TNKS: variants seen among roughly 807,000 people sequenced by gnomAD.
TNKS encodes the protein tankyrase.
A neutral mutation model predicts 135.8 loss-of-function variants in TNKS; 72 were observed. The ratio of observed to expected loss-of-function variants is 0.53; its 90% CI spans 0.44 to 0.64. The LOEUF is 0.64. TNKS is among the 30% of genes least tolerant of loss of function. The pLI is 0.00. For synonymous variants in TNKS, 849 were observed against 649.3 expected (o/e 1.31, Z -4.68); for missense variants, 1,769 against 1,674.0 (o/e 1.06, Z -0.99).
chr8:9,718,558 A>G (rs1804720111), intron 11 of TNKS, among the ~76,000 whole-genome samples: 1 of 152,190 alleles, frequency 6.6e-6, no homozygotes, highest in Admixed American at 6.6e-5. Flanking sequence ...TTTCGGGCCA[A>G]GTGTCATTGT....
chr8:9,770,450 T>TA (rs1306909511), intron 26 of TNKS, among the ~76,000 whole-genome samples, 188 bp downstream of exon 26: 6 of 152,238 alleles, frequency 3.9e-5, no homozygotes, highest in South Asian at 4.1e-4. Context: ...TAAAACCCAT[T>TA]AGTAGCTGTC....
chr8:9,590,827 T>G (rs929551719), intron 2 of TNKS, among the ~76,000 whole-genome samples: 1 of 152,260 alleles, frequency 6.6e-6, no homozygotes, highest in Non-Finnish European at 1.5e-5. Flanking sequence ...TGCAAATACT[T>G]TCTCCCATTC....
At position 9,556,288 on chromosome 8, in the gene TNKS, G is replaced by C. The variant is rs761669065; in HGVS notation, c.349G>C (p.Ala117Pro). 6.2e-6 allele frequency: 10 copies of C among 1,614,126 alleles called. No individual in the cohort carries two copies. The highest frequency in any genetic ancestry group is 4.0e-5 in the African/African-American group (3 of 74,946). Residue 117 changes from alanine to proline, a missense_variant, in exon 1 of 27, where the codon GCT becomes CCT. This residue lies in a region of TNKS where 450 missense variants were observed against 304.9 expected (regional missense o/e 1.48). Coordinates refer to ENST00000310430, the MANE Select transcript of TNKS (RefSeq NM_003747.3). ...TTCTACTTCATCTGCCGCTGGGGTC[G>C]CTCCCAACCCAGCCGGCAGTGGCAG... is the stretch of plus-strand genomic sequence containing the variant. ...AVSTSSAAGV[A>P]PNPAGSGSNN...
chr8:9,726,762 T>G (rs1805183220), intron 13 of TNKS, 42 bp downstream of exon 13: 2 of 1,457,296 alleles, frequency 1.4e-6, no homozygotes, highest in African/African-American at 2.8e-5. Flanking sequence ...ACTGTTGAAC[T>G]TTGCTAACCA....
At chr8:9,576,453 C>T (rs1280779276) in intron 1 of TNKS, among the ~76,000 whole-genome samples, 1 of 151,054 alleles carries the variant, frequency 6.6e-6, no homozygotes, top group Non-Finnish European at 1.5e-5. Flanking sequence ...GCGGGAGGTG[C>T]CACCACCCCC....
chr8:9,695,839 A>T (rs1356914829), intron 5 of TNKS, among the ~76,000 whole-genome samples: 3 of 152,220 alleles, frequency 2.0e-5, no homozygotes, highest in Non-Finnish European at 4.4e-5. Context: ...AAAAGATGGG[A>T]ATGAAGAAAG....
chr8:9,605,634 T>C (rs1799187929), intron 2 of TNKS, among the ~76,000 whole-genome samples: 1 of 152,132 alleles, frequency 6.6e-6, no homozygotes, highest in African/African-American at 2.4e-5. Context: ...AGTTCCAGTT[T>C]AGAATCTCCT....
At chr8:9,649,104 C>T (rs918389418) in intron 3 of TNKS, among the ~76,000 whole-genome samples, 2 of 152,156 alleles carry the variant, frequency 1.3e-5, no homozygotes, top group African/African-American at 4.8e-5. Flanking sequence ...TAATCATATA[C>T]ATATAAACAT....
In TNKS at chr8:9,752,566, C is replaced by T. The variant is rs771995100; in HGVS notation, c.3093C>T (p.Ile1031=). 6.2e-7 allele frequency: 1 copy of T among 1,612,798 alleles called. No homozygotes were observed. Among genetic ancestry groups the T allele is most frequent in the East Asian group, 2.2e-5 (1 of 44,822 alleles). ...EGEVAGLDMN[I]SQFLKSLGLE... ...TAGTTGCTGGTCTTGACATGAATAT[C>T]AGCCAATTTCTAAAAAGCCTTGGCC... Residue 1031 remains isoleucine, a synonymous_variant, in exon 20 of 27, where the codon ATC becomes ATT. Transcript: ENST00000310430.
intron 2 of TNKS, among the ~76,000 whole-genome samples, chr8:9,602,940 T>C (rs1799072094): frequency 6.6e-6 from 1 of 152,252 alleles, no homozygotes; most frequent in African/African-American, 2.4e-5. Context: ...ACTTGATCTA[T>C]ATTTGGGTTT....
intron 1 of TNKS, chr8:9,557,742 TAACA>T (rs907380266): frequency 1.3e-5 from 2 of 152,194 alleles, no homozygotes; most frequent in African/African-American, 4.8e-5. Context: ...TTTGTTCTGT[TAACA>T]GTAAAACATG....
intron 20 of TNKS, among the ~76,000 whole-genome samples, chr8:9,757,739 A>T (rs578131199): frequency 1.3e-5 from 2 of 152,340 alleles, no homozygotes; most frequent in East Asian, 3.9e-4. Context: ...CTCTTTTACT[A>T]TCAGTTATTT....
intron 3 of TNKS, among the ~76,000 whole-genome samples, chr8:9,675,217 C>G (rs1188770613): frequency 6.6e-6 from 1 of 152,178 alleles, no homozygotes; most frequent in Middle Eastern, 3.2e-3. Context: ...CTAGTGAAAA[C>G]ATGATGGAAT....
Position 9,778,344 on chromosome 8 carries a change from G to A in TNKS, c.*1608G>A, listed in dbSNP as rs1808319498. On this transcript the variant is annotated 3_prime_UTR_variant, in exon 27 of 27. Transcript: ENST00000310430. ...CAATTCAAAGCCCTGAAAACGATGG[G>A]TTTAATGCAAGGTGATTAAGCTGTG... is the stretch of plus-strand genomic sequence containing the variant. The A allele has an allele frequency of 6.6e-6, 1 of 152,330 alleles. No individual in the cohort carries two copies. The highest frequency in any genetic ancestry group is 2.1e-4 in the South Asian group (1 of 4,826). 9.4% of individuals were successfully genotyped at this position (152,330 alleles called of 1,614,324 possible). A position where few individuals can be genotyped will look rare whatever the true frequency, so the allele number is the denominator to read the frequency against.
chr8:9,570,586 T>A (rs1797719418), intron 1 of TNKS, among the ~76,000 whole-genome samples: 1 of 152,212 alleles, frequency 6.6e-6, no homozygotes, highest in South Asian at 2.1e-4. Flanking sequence ...CAGCAACCTC[T>A]ACCTGGCAAC....
intron 22 of TNKS, 75 bp from the exon 23 acceptor site, chr8:9,764,641 C>T: frequency 1.8e-6 from 2 of 1,116,090 alleles, no homozygotes; most frequent in Non-Finnish European, 2.5e-6. Context: ...TTTATTAATA[C>T]TGAATTTTAG....
intron 2 of TNKS, among the ~76,000 whole-genome samples, chr8:9,583,182 A>G (rs1279986839): frequency 2.7e-5 from 4 of 149,310 alleles, no homozygotes; most frequent in Non-Finnish European, 6.0e-5. Context: ...AAAAAAAAAA[A>G]AAGTCCATTT....
At chr8:9,587,869 A>T (rs953460216) in intron 2 of TNKS, among the ~76,000 whole-genome samples, 3 of 152,210 alleles carry the variant, frequency 2.0e-5, no homozygotes, top group Non-Finnish European at 2.9e-5. Flanking sequence ...CGGTTTTGCA[A>T]AATTTATCTA....
At chr8:9,749,621 C>T (rs1198318152) in intron 18 of TNKS, among the ~76,000 whole-genome samples, 4 of 152,092 alleles carry the variant, frequency 2.6e-5, no homozygotes, top group African/African-American at 9.7e-5. Flanking sequence ...ACTACAGGCA[C>T]ATGCCACTAT....
Sources: allele counts gnomAD v4.1 joint callset (sites outside exome capture counted in the v4.1 genomes callset), GRCh38; gene constraint gnomAD v4.1.1; regional missense constraint gnomAD v4.1.1; transcripts MANE v1.5; gene names NCBI Gene and HGNC (gene_info 2026-07-23, HGNC 2026-07-21).